Variants in CYP4F2 observed in about 807,000 individuals in gnomAD.
CYP4F2 encodes cytochrome P450 family 4 subfamily F member 2, also known as cytochrome P450 4F2.
In CYP4F2, 58 loss-of-function variants were observed where a neutral mutation model predicts 58.9. That is an observed-to-expected ratio of 0.98 (90% CI 0.80 to 1.23). The LOEUF (loss-of-function observed/expected upper bound fraction) is 1.23, where lower values mean the gene tolerates loss of function less well. Ranked by LOEUF, CYP4F2 falls within the 50% of genes most tolerant of loss-of-function variation. The pLI is 0.00. For missense variants in CYP4F2, 616 were observed against 685.6 expected (o/e 0.90, Z 1.13); for synonymous variants, 287 against 261.1 (o/e 1.10, Z -0.95).
At position 15,886,253 on chromosome 19, in the gene CYP4F2, A is replaced by C. The variant is rs201593562; in HGVS notation, c.974T>G (p.Phe325Cys). 1.9e-6 allele frequency: 3 copies of C among 1,613,762 alleles called. No homozygotes were observed. Among genetic ancestry groups the C allele is most frequent in the Non-Finnish European group, 2.5e-6 (3 of 1,179,950 alleles). ...DEDIRAEADT[F>C]MFEGHDTTAS... Reference sequence around the variant, plus strand: ...ACTGGGGCCCTCACCCTCAAACATAAAGGTGTCAGCTTCTGCTCTTATGTC... The same window carrying C: ...ACTGGGGCCCTCACCCTCAAACATACAGGTGTCAGCTTCTGCTCTTATGTC... Residue 325 changes from phenylalanine (F) to cysteine (C), a missense_variant, in exon 8 of 13, where the codon TTT (phenylalanine) becomes TGT (cysteine). Phe to Cys is a radical substitution (Grantham distance 205). Transcript: ENST00000221700.
At chr19:15,896,814 G>A (rs2089450846) in intron 2 of CYP4F2, among the ~76,000 whole-genome samples, 5 of 152,216 alleles carry the variant, frequency 3.3e-5, no homozygotes, top group Admixed American at 1.3e-4. Flanking sequence ...AAAGAGGAGA[G>A]CGGTCTAAGT....
At chr19:15,896,482 C>A (rs1309473125) in intron 2 of CYP4F2, among the ~76,000 whole-genome samples, 1 of 152,170 alleles carries the variant, frequency 6.6e-6, no homozygotes, top group African/African-American at 2.4e-5. Context: ...GAGGTCCTCA[C>A]AGGGGAGATT....
At chr19:15,892,204 G>A in intron 5 of CYP4F2, 105 bp downstream of exon 5, 1 of 1,541,550 alleles carries the variant, frequency 6.5e-7, no homozygotes. Context: ...GTGAGAAAGA[G>A]CAATGGCCCA....
At chr19:15,884,106 G>A (rs939438212) in intron 9 of CYP4F2, among the ~76,000 whole-genome samples, 1 of 151,938 alleles carries the variant, frequency 6.6e-6, no homozygotes, top group Non-Finnish European at 1.5e-5. Context: ...GAGAGAGGGA[G>A]GGAGGGAGGA....
In CYP4F2 at chr19:15,892,245, T is replaced by C. The variant is rs1226233451; in HGVS notation, c.525+64A>G. The C allele has an allele frequency of 2.1e-5, 33 of 1,607,304 alleles. 2 individuals carry two copies. The Middle Eastern group carries it at 2.0e-3, about 97-fold the overall frequency. On this transcript the variant is annotated intron_variant, in intron 5 of 12. Transcript: ENST00000221700. ...ACCCAGCAGAGCCAAAACTCCAGAC[T>C]AGATCTCTCTGTTGTCCTTTCACCC...
At chr19:15,896,291 TATCTATCTATCTATCC>T in intron 2 of CYP4F2, among the ~76,000 whole-genome samples, 1 of 152,086 alleles carries the variant, frequency 6.6e-6, no homozygotes, top group Middle Eastern at 3.2e-3. Flanking sequence ...CCTCCTGCTC[TATCTATCTATCTATCC>T]ACATTCCTCC....
chr19:15,889,616 T>C lies in CYP4F2; in HGVS notation c.725A>G (p.His242Arg). The C allele has an allele frequency of 2.5e-6, 4 of 1,614,204 alleles. No homozygotes were observed. The highest frequency in any genetic ancestry group is 1.7e-5 in the Admixed American group (1 of 60,022). ...VSKRHHEILL[H>R]IDFLYYLTPD... ...GGTGAGATAATACAGGAAGTCAATA[T>C]GCAGGAGGATCTCATGGTGTCTTTT... The change falls in exon 7 of 13, where the codon CAT becomes CGT. Residue 242 changes from histidine to arginine, a missense_variant. Transcript: ENST00000221700.
intron 9 of CYP4F2, among the ~76,000 whole-genome samples, chr19:15,880,789 A>C (rs1417214189): frequency 6.6e-6 from 1 of 152,240 alleles, no homozygotes; most frequent in African/African-American, 2.4e-5. Flanking sequence ...ATGTCCATCA[A>C]AAGAAGAAAT....
At chr19:15,895,439 A>G (rs998205106) in intron 3 of CYP4F2, 67 bp downstream of exon 3, 2 of 1,451,478 alleles carry the variant, frequency 1.4e-6, no homozygotes, top group Non-Finnish European at 1.8e-6. Flanking sequence ...GGGCCCACAC[A>G]GGAGCTTGGG....
At chr19:15,892,615 A>ACAT in intron 3 of CYP4F2, 33 bp from the exon 4 acceptor site, 1 of 1,606,004 alleles carries the variant, frequency 6.2e-7, no homozygotes, top group Non-Finnish European at 8.5e-7. Context: ...GGGGCCATGG[A>ACAT]GGCAGGTGAA....
rs1352077323 is a variant in CYP4F2, at chr19:15,878,128, T to C, written c.*643A>G. On this transcript the variant is annotated 3_prime_UTR_variant, in exon 13 of 13. Transcript: ENST00000221700. Reference sequence around the variant, plus strand: ...ATGTATGTGAGATAAAATAGCAAATTTTTTTGATTGAGGTAGAATTCACAT... The same window carrying C: ...ATGTATGTGAGATAAAATAGCAAATCTTTTTGATTGAGGTAGAATTCACAT... 2 of 152,204 alleles carry C rather than the reference T, an allele frequency of 1.3e-5. No individual in the cohort carries two copies. The highest frequency in any genetic ancestry group is 4.8e-5 in the African/African-American group (2 of 41,468). 9.4% of individuals were successfully genotyped at this position (152,204 alleles called of 1,614,324 possible).
intron 1 of CYP4F2, 37 bp from the exon 2 acceptor site, chr19:15,897,649 G>T: frequency 6.2e-7 from 1 of 1,609,640 alleles, no homozygotes. Flanking sequence ...AGATCCTGAG[G>T]CCCAGAGAAC....
chr19:15,889,828 G>C (rs572831804), intron 6 of CYP4F2, 135 bp from the exon 7 acceptor site: 3 of 1,314,272 alleles, frequency 2.3e-6, no homozygotes, highest in Non-Finnish European at 3.2e-6. Flanking sequence ...ACAGATACAG[G>C]GTGGGGATCA....
intron 3 of CYP4F2, among the ~76,000 whole-genome samples, chr19:15,894,228 A>C (rs2089435209): frequency 6.6e-6 from 1 of 152,158 alleles, no homozygotes; most frequent in Non-Finnish European, 1.5e-5. Context: ...GTCTGTCTGC[A>C]CCCATGGCCT....
chr19:15,882,730 A>T (rs1323303906), intron 9 of CYP4F2, among the ~76,000 whole-genome samples: 2 of 152,258 alleles, frequency 1.3e-5, no homozygotes, highest in African/African-American at 4.8e-5. Context: ...AGAACAATTT[A>T]AAAACAAACT....
chr19:15,895,981 C>A (rs1448710918), intron 2 of CYP4F2, among the ~76,000 whole-genome samples: 1 of 152,056 alleles, frequency 6.6e-6, no homozygotes, highest in African/African-American at 2.4e-5. Flanking sequence ...TCTATCTACC[C>A]ATCCATCCAT....
intron 9 of CYP4F2, among the ~76,000 whole-genome samples, chr19:15,885,165 C>T (rs1158700261): frequency 6.6e-6 from 1 of 151,696 alleles, no homozygotes; most frequent in African/African-American, 2.4e-5. Context: ...CCAAAGACCC[C>T]AGGCAGTCTT....
intron 5 of CYP4F2, 124 bp downstream of exon 5, chr19:15,892,185 C>T (rs1568473143): frequency 6.7e-7 from 1 of 1,494,172 alleles, no homozygotes; most frequent in Non-Finnish European, 9.1e-7. Context: ...ATGAGGAAAC[C>T]AAGGCTCAGT....
intron 9 of CYP4F2, among the ~76,000 whole-genome samples, chr19:15,881,692 T>C (rs189224196): frequency 2.8e-4 from 42 of 152,232 alleles, no homozygotes; most frequent in Non-Finnish European, 4.3e-4. Flanking sequence ...GCTAGTCTTA[T>C]CTGTAATATC....
Sources: gnomAD v4.1 joint callset for allele counts (sites outside exome capture counted in the v4.1 genomes callset) on GRCh38, gnomAD v4.1.1 for gene constraint, MANE v1.5 for transcripts, NCBI Gene and HGNC (gene_info 2026-07-23, HGNC 2026-07-21) for gene names.